GNAQ: variants seen among roughly 807,000 people sequenced by gnomAD.
GNAQ encodes guanine nucleotide-binding protein G(q) subunit alpha.
In GNAQ, 8 loss-of-function variants were observed where a neutral mutation model predicts 43.9. That is an observed-to-expected ratio of 0.18 (90% CI 0.11 to 0.33). The LOEUF (loss-of-function observed/expected upper bound fraction) is 0.33. GNAQ is among the 10% of genes least tolerant of loss of function. The pLI is 1.00. For missense variants in GNAQ, 158 were observed against 450.8 expected (o/e 0.35, Z 5.88); for synonymous variants, 155 against 170.7 (o/e 0.91, Z 0.71).
chr9:77,747,434 A>G (rs1825748199), intron 5 of GNAQ, among the ~76,000 whole-genome samples: 2 of 152,196 alleles, frequency 1.3e-5, no homozygotes, highest in Admixed American at 1.3e-4. Flanking sequence ...AGAGGAGATC[A>G]GTAAAAAGTA....
At chr9:77,823,561 C>G (rs1424479365) in intron 2 of GNAQ, among the ~76,000 whole-genome samples, 1 of 152,138 alleles carries the variant, frequency 6.6e-6, no homozygotes, top group Non-Finnish European at 1.5e-5. Context: ...AAGAGGTTAA[C>G]TGACTCACGG....
rs193297998 is a variant in GNAQ, at chr9:78,029,760, A to G, written c.136+1340T>C. On this transcript the variant is annotated intron_variant, in intron 1 of 6. Coordinates refer to ENST00000286548, the MANE Select transcript of GNAQ (RefSeq NM_002072.5). The stretch of plus-strand genomic sequence containing the variant: ...CTTGAGCCAGCAAATGGAATGCTCA[A>G]GATAAGAAAGAAAATGCATGCTTCT... 3.3e-5 allele frequency among the ~76,000 whole-genome samples: 5 copies of G among 152,276 alleles called. No homozygotes were observed. The East Asian group carries it at 9.7e-4, about 29-fold the overall frequency.
At chr9:77,989,540 A>G (rs1355475493) in intron 1 of GNAQ, among the ~76,000 whole-genome samples, 2 of 152,352 alleles carry the variant, frequency 1.3e-5, no homozygotes, top group Non-Finnish European at 2.9e-5. Context: ...GCTCCCAAGA[A>G]GAAAACACTG....
intron 6 of GNAQ, among the ~76,000 whole-genome samples, chr9:77,723,800 G>A (rs570630804): frequency 6.6e-6 from 1 of 152,274 alleles, no homozygotes; most frequent in Non-Finnish European, 1.5e-5. Context: ...GAAATGGGGT[G>A]TTGCTGCTTA....
chr9:77,761,703 A>C (rs371635462), intron 5 of GNAQ, among the ~76,000 whole-genome samples: 14,304 of 20,396 alleles, frequency 0.7, 4,849 homozygotes, highest in Admixed American at 0.82. Context: ...CGGCCAGCCG[A>C]CCCGTCTGGG....
rs189681316 is a variant in GNAQ at position 77,784,033 on chromosome 9, C to T, written c.735+10430G>A. Among the ~76,000 whole-genome samples the T allele has an allele frequency of 1.5e-4, 23 of 152,198 alleles. No homozygotes were observed. The East Asian group carries it at 3.1e-3, about 20-fold the overall frequency. The stretch of plus-strand genomic sequence containing the variant: ...TTAAAAGAAGAAATACGTAAGTTTA[C>T]AATCACAGTGGGAGATATAAAAATA... On this transcript the variant is annotated intron_variant, in intron 5 of 6. Coordinates refer to ENST00000286548, the MANE Select transcript of GNAQ (RefSeq NM_002072.5).
At chr9:77,924,548 A>G (rs1454611095) in intron 1 of GNAQ, among the ~76,000 whole-genome samples, 3 of 152,126 alleles carry the variant, frequency 2.0e-5, no homozygotes, top group African/African-American at 7.2e-5. Context: ...ACTTATCACT[A>G]CCCTACGCCC....
At chr9:77,798,074 C>T (rs547003572) in intron 3 of GNAQ, among the ~76,000 whole-genome samples, 1 of 151,926 alleles carries the variant, frequency 6.6e-6, no homozygotes, top group South Asian at 2.1e-4. Context: ...CTCTTTTTTG[C>T]AGAACATCAG....
At chr9:77,761,833 C>A (rs1438039456) in intron 5 of GNAQ, among the ~76,000 whole-genome samples, 4 of 61,178 alleles carry the variant, frequency 6.5e-5, no homozygotes, top group South Asian at 6.0e-4. Context: ...CCAGCCGCCC[C>A]GTCCGGGAGG....
intron 1 of GNAQ, among the ~76,000 whole-genome samples, chr9:77,992,698 C>G (rs920396142): frequency 7.5e-4 from 114 of 152,242 alleles, no homozygotes; most frequent in African/African-American, 2.6e-3. Flanking sequence ...AATCCTAGCA[C>G]TTTGGGAGGC....
chr9:78,026,653 G>T (rs1174358491), intron 1 of GNAQ, among the ~76,000 whole-genome samples: 2 of 151,830 alleles, frequency 1.3e-5, no homozygotes, highest in Non-Finnish European at 2.9e-5. Context: ...GGTTAATTCA[G>T]GCAATCAACA....
At chr9:77,966,354 T>C (rs192503255) in intron 1 of GNAQ, among the ~76,000 whole-genome samples, 1 of 152,320 alleles carries the variant, frequency 6.6e-6, no homozygotes, top group African/African-American at 2.4e-5. Context: ...TATTACAAAA[T>C]GTTATTACAA....
chr9:77,791,955 T>C (rs1402692654), intron 5 of GNAQ, among the ~76,000 whole-genome samples: 1 of 152,198 alleles, frequency 6.6e-6, no homozygotes, highest in Non-Finnish European at 1.5e-5. Flanking sequence ...ACTAGAATTC[T>C]GTAGTTCTGA....
chr9:77,719,869 A>G lies in GNAQ; in HGVS notation c.*1454T>C, dbSNP rs144150733. On this transcript the variant is annotated 3_prime_UTR_variant, in exon 7 of 7. Coordinates refer to ENST00000286548, the MANE Select transcript of GNAQ (RefSeq NM_002072.5). ...TTTGAGTTAAGTCCACAAATCTTCC[A>G]TAAGTTCAACCTAATCAGTTACCAG... 3.0e-5 allele frequency: 7 copies of G among 232,622 alleles called. No homozygotes were observed. The highest frequency in any genetic ancestry group is 1.8e-4 in the East Asian group (3 of 16,452). The allele number at this position is 232,622 out of a possible 1,614,324, so 14.4% of individuals were successfully genotyped here.
At chr9:77,991,707 T>C (rs934438808) in intron 1 of GNAQ, among the ~76,000 whole-genome samples, 2 of 152,156 alleles carry the variant, frequency 1.3e-5, no homozygotes, top group African/African-American at 4.8e-5. Flanking sequence ...CAGTCTTTTA[T>C]CCCTCACCCC....
intron 1 of GNAQ, among the ~76,000 whole-genome samples, chr9:77,939,803 T>C (rs1039820778): frequency 1.3e-5 from 2 of 152,208 alleles, no homozygotes; most frequent in African/African-American, 4.8e-5. Flanking sequence ...TTGGGTGTTT[T>C]GAAACATGGC....
intron 2 of GNAQ, among the ~76,000 whole-genome samples, chr9:77,863,220 G>GAGGAAGGAAGAA (rs1827888590): frequency 2.9e-5 from 1 of 34,264 alleles, no homozygotes; most frequent in Non-Finnish European, 1.5e-4. Flanking sequence ...GGAAGGAAGG[G>GAGGAAGGAAGAA]AGGAAGGAAG....
At chr9:77,882,248 T>C (rs1412649856) in intron 2 of GNAQ, among the ~76,000 whole-genome samples, 1 of 152,166 alleles carries the variant, frequency 6.6e-6, no homozygotes, top group African/African-American at 2.4e-5. Context: ...TATGAGTTGA[T>C]TTGAGGTTCT....
intron 1 of GNAQ, among the ~76,000 whole-genome samples, chr9:77,972,247 T>C (rs1587438971): frequency 1.3e-5 from 2 of 152,260 alleles, no homozygotes; most frequent in South Asian, 2.1e-4. Flanking sequence ...AAAACTATTA[T>C]AGAATTAAGA....
Sources: allele counts gnomAD v4.1 joint callset (sites outside exome capture counted in the v4.1 genomes callset), GRCh38; gene constraint gnomAD v4.1.1; transcripts MANE v1.5; gene names NCBI Gene and HGNC (gene_info 2026-07-23, HGNC 2026-07-21).